The following DIS3L2 variants were observed in gnomAD, a reference collection of about 807,000 sequenced individuals.
DIS3L2 encodes DIS3-like exonuclease 2.
In DIS3L2, 34 loss-of-function variants were observed where a neutral mutation model predicts 97.5. The ratio of observed to expected loss-of-function variants is 0.35; its 90% CI spans 0.27 to 0.46. DIS3L2 has a LOEUF of 0.46. Ranked by LOEUF, DIS3L2 falls within the 20% of genes least tolerant of loss-of-function variation. The pLI is 1.00. For synonymous variants in DIS3L2, 435 were observed against 445.2 expected (o/e 0.98, Z 0.29); for missense variants, 1,038 against 1,146.0 (o/e 0.91, Z 1.36).
chr2:232,142,215 G>A (rs1690078991), intron 8 of DIS3L2, among the ~76,000 whole-genome samples: 1 of 152,116 alleles, frequency 6.6e-6, no homozygotes, highest in Non-Finnish European at 1.5e-5. Context: ...ATCAGGCTGA[G>A]GAGGGGGCTC....
intron 1 of DIS3L2, among the ~76,000 whole-genome samples, chr2:232,012,330 C>T (rs1694224166): frequency 6.6e-6 from 1 of 152,168 alleles, no homozygotes; most frequent in Admixed American, 6.5e-5. Flanking sequence ...GTTACTCACA[C>T]AAACTGGGAT....
At chr2:232,127,094 G>A (rs550811536) in intron 6 of DIS3L2, among the ~76,000 whole-genome samples, 12 of 152,272 alleles carry the variant, frequency 7.9e-5, no homozygotes, top group African/African-American at 2.6e-4. Context: ...TGGATTTAGG[G>A]GTTGCATGGA....
At chr2:232,082,414 C>T (rs570086417) in intron 5 of DIS3L2, among the ~76,000 whole-genome samples, 4 of 152,228 alleles carry the variant, frequency 2.6e-5, no homozygotes, top group Non-Finnish European at 4.4e-5. Flanking sequence ...TGAGCATTAC[C>T]GCTTGAGCCC....
At chr2:232,097,048 C>T (rs1245480231) in intron 6 of DIS3L2, among the ~76,000 whole-genome samples, 1 of 152,170 alleles carries the variant, frequency 6.6e-6, no homozygotes, top group Non-Finnish European at 1.5e-5. Context: ...AGGCCTATTG[C>T]ATCTGTCCTT....
At chr2:232,044,910 G>A (rs1695197024) in intron 5 of DIS3L2, among the ~76,000 whole-genome samples, 1 of 152,144 alleles carries the variant, frequency 6.6e-6, no homozygotes, top group Non-Finnish European at 1.5e-5. Context: ...GATTACAGGT[G>A]TGAGTCACTG....
chr2:232,169,059 A>G (rs1297320442), intron 9 of DIS3L2, among the ~76,000 whole-genome samples: 1 of 152,112 alleles, frequency 6.6e-6, no homozygotes, highest in Non-Finnish European at 1.5e-5. Context: ...GCAGTAGTCA[A>G]ATGTGGAATT....
intron 10 of DIS3L2, among the ~76,000 whole-genome samples, chr2:232,234,850 C>T (rs992118167): frequency 2.7e-4 from 41 of 152,178 alleles, no homozygotes; most frequent in Non-Finnish European, 5.1e-4. Context: ...CTAGAGGATC[C>T]ATGTGAGGAA....
intron 6 of DIS3L2, among the ~76,000 whole-genome samples, chr2:232,091,606 C>T (rs151273183): frequency 5.9e-5 from 9 of 152,202 alleles, no homozygotes; most frequent in African/African-American, 7.2e-5. Context: ...GTTAGTGCTG[C>T]GAGAAACATG....
At chr2:232,328,134 C>T (rs1315160580) in intron 14 of DIS3L2, among the ~76,000 whole-genome samples, 2 of 152,186 alleles carry the variant, frequency 1.3e-5, no homozygotes, top group African/African-American at 4.8e-5. Flanking sequence ...GTTACTGCCA[C>T]CCAGAGGGCA....
intron 9 of DIS3L2, among the ~76,000 whole-genome samples, chr2:232,190,181 A>C (rs568140269): frequency 4.9e-4 from 75 of 152,156 alleles, no homozygotes; most frequent in Middle Eastern, 3.4e-3. Flanking sequence ...ATTAAAAATA[A>C]AATTAGCCAG....
chr2:232,275,227 A>C (rs1574987432), intron 13 of DIS3L2, among the ~76,000 whole-genome samples: 2 of 152,148 alleles, frequency 1.3e-5, no homozygotes, highest in South Asian at 4.1e-4. Context: ...GAACACCATC[A>C]GCTTTCATTC....
At chr2:232,284,386 C>A (rs1013944346) in intron 13 of DIS3L2, among the ~76,000 whole-genome samples, 7 of 152,234 alleles carry the variant, frequency 4.6e-5, no homozygotes, top group African/African-American at 1.7e-4. Context: ...GGCATGGTAA[C>A]TGCACCCACC....
intron 7 of DIS3L2, chr2:232,131,562 G>C (rs1698217339): frequency 6.6e-6 from 1 of 152,178 alleles, no homozygotes; most frequent in African/African-American, 2.4e-5. Context: ...GATTACAGGT[G>C]TGAGCCAACA....
intron 1 of DIS3L2, among the ~76,000 whole-genome samples, chr2:232,010,236 A>G (rs938538663): frequency 6.6e-6 from 1 of 152,132 alleles, no homozygotes; most frequent in African/African-American, 2.4e-5. Flanking sequence ...CAAACTCCTC[A>G]TTCAACCGTC....
At chr2:231,993,802 C>G (rs368998131) in intron 1 of DIS3L2, among the ~76,000 whole-genome samples, 6 of 148,318 alleles carry the variant, frequency 4.0e-5, no homozygotes, top group Non-Finnish European at 7.4e-5. Context: ...AGAGCTCTAA[C>G]GGTTAACATT....
chr2:232,024,280 G>A lies in DIS3L2; in HGVS notation c.214G>A (p.Val72Ile), dbSNP rs765818092. ...AACTTTATTTTTTGTTTTAAAGGGT[G>A]TATTGAGAATTAATCCAAAGAAGTT... Reference protein sequence around the residue: ...GLKRGTLIQGVLRINPKKFHE... With the variant: ...GLKRGTLIQGILRINPKKFHE... Residue 72 changes from valine (V) to isoleucine (I), a missense_variant, in exon 4 of 21, where the codon GTA becomes ATA. Val to Ile is a conservative substitution (Grantham distance 29, BLOSUM62 3). This residue lies in a region of DIS3L2 where 813 missense variants were observed against 880.1 expected (regional missense o/e 0.92). Transcript: ENST00000325385. The A allele has an allele frequency of 1.3e-6, 2 of 1,598,862 alleles. No homozygotes were observed. The highest frequency in any genetic ancestry group is 1.7e-6 in the Non-Finnish European group (2 of 1,172,786).
At chr2:232,339,617 G>T, downstream of DIS3L2, 1 of 425,390 alleles carries the variant, frequency 2.4e-6, no homozygotes, top group Non-Finnish European at 4.8e-6. Context: ...AGCCTCTCCA[G>T]GCCACTGCAG....
intron 10 of DIS3L2, among the ~76,000 whole-genome samples, chr2:232,232,436 A>G (rs963437809): frequency 6.6e-6 from 1 of 152,208 alleles, no homozygotes; most frequent in Admixed American, 6.5e-5. Flanking sequence ...TCTTAGAAGA[A>G]GCCATGGTGG....
rs551493131 is a variant in DIS3L2, at chr2:232,336,287, T to A, written c.2497-182T>A. The A allele has an allele frequency of 5.5e-5, 85 of 1,546,774 alleles. No homozygotes were observed. The East Asian group carries it at 2.1e-3, about 38-fold the overall frequency. On this transcript the variant is annotated intron_variant, in intron 20 of 20. Coordinates refer to ENST00000325385, the MANE Select transcript of DIS3L2 (RefSeq NM_152383.5). ...TGGGAGCGCTCAGGATGCATCTGAC[T>A]CCCCAACTCTGCCCTGACCCAGGGC... is the stretch of plus-strand genomic sequence containing the variant.
Sources: gnomAD v4.1 joint callset for allele counts (sites outside exome capture counted in the v4.1 genomes callset) on GRCh38, gnomAD v4.1.1 for gene constraint, gnomAD v4.1.1 regional missense constraint, MANE v1.5 for transcripts, NCBI Gene and HGNC (gene_info 2026-07-23, HGNC 2026-07-21) for gene names.